NALCN: variants seen among roughly 807,000 people sequenced by gnomAD.
NALCN encodes the protein sodium leak channel NALCN.
Under a neutral mutation model 225.3 loss-of-function variants are expected in NALCN, and 111 were observed. The observed-to-expected ratio is 0.49, with a 90% CI of 0.42 to 0.58. The LOEUF (loss-of-function observed/expected upper bound fraction) is 0.58. Ranked by LOEUF, NALCN falls within the 20% of genes least tolerant of loss-of-function variation. NALCN has a pLI of 0.00. For synonymous variants in NALCN, 764 were observed against 769.0 expected, an observed-to-expected ratio of 0.99 and a Z score of 0.11; for missense variants, 1,378 against 2,202.4, an observed-to-expected ratio of 0.63 and a Z score of 7.49.
At chr13:101,345,006 G>A (rs1440608613) in intron 7 of NALCN, among the ~76,000 whole-genome samples, 1 of 152,140 alleles carries the variant, frequency 6.6e-6, no homozygotes, top group South Asian at 2.1e-4. Context: ...CTTAAATGCT[G>A]TTATTGAGAA....
At position 101,111,908 on chromosome 13, in the gene NALCN, C is replaced by T. The variant is rs1594229469; in HGVS notation, c.2193-682G>A. On this transcript the variant is annotated intron_variant, in intron 18 of 43. Coordinates refer to ENST00000251127, the MANE Select transcript of NALCN (RefSeq NM_052867.4). ...ATGAAAACAGATTAATACACACAGG[C>T]AATCATGATGTCGGTTTTGAATTTA... Among the ~76,000 whole-genome samples, 3 of 152,266 alleles carry T rather than the reference C, an allele frequency of 2.0e-5. 1 individual carries two copies. Among genetic ancestry groups the T allele is most frequent in the Admixed American group, 2.0e-4 (3 of 15,282 alleles).
chr13:101,393,110 G>A (rs76207325), intron 3 of NALCN, among the ~76,000 whole-genome samples: 5,785 of 152,200 alleles, frequency 0.038, 177 homozygotes, highest in East Asian at 0.11. Flanking sequence ...AAAAACAATT[G>A]CAACTTATAT....
intron 38 of NALCN, among the ~76,000 whole-genome samples, chr13:101,068,491 G>A (rs183575043): frequency 2.2e-4 from 33 of 152,218 alleles, no homozygotes; most frequent in African/African-American, 7.2e-4. Context: ...CATAATAAAT[G>A]CTACAACTCT....
At chr13:101,191,864 T>A in intron 14 of NALCN, 53 bp downstream of exon 14, 2 of 1,566,694 alleles carry the variant, frequency 1.3e-6, no homozygotes, top group Non-Finnish European at 1.7e-6. Context: ...TCTGTTGATG[T>A]TCATCCCATT....
At chr13:101,094,427 A>G (rs1349588709) in intron 28 of NALCN, among the ~76,000 whole-genome samples, 3 of 152,196 alleles carry the variant, frequency 2.0e-5, no homozygotes, top group Non-Finnish European at 4.4e-5. Flanking sequence ...TCCTGACTAC[A>G]TTTACTTCCA....
chr13:101,107,515 G>A lies in NALCN; in HGVS notation c.2551C>T (p.Arg851Trp), dbSNP rs1464580245. 1.5e-5 allele frequency: 24 copies of A among 1,613,932 alleles called. No homozygotes were observed. The highest frequency in any genetic ancestry group is 4.0e-5 in the African/African-American group (3 of 74,908). ...GREHRFRNFC[R>W]VVVRARFNAS... Reference sequence around the variant, plus strand: ...TTGAAGCGTGCTCGGACCACCACCCGGCAAAAGTTTCTGAACCTGTGTTCT... The same window carrying A: ...TTGAAGCGTGCTCGGACCACCACCCAGCAAAAGTTTCTGAACCTGTGTTCT... The change falls in exon 22 of 44, where the codon CGG becomes TGG. Residue 851 changes from arginine to tryptophan, a missense_variant. Physicochemically the swap from Arg to Trp is moderately radical, Grantham distance 101 (BLOSUM62 -3). Coordinates refer to ENST00000251127, the MANE Select transcript of NALCN (RefSeq NM_052867.4).
intron 10 of NALCN, among the ~76,000 whole-genome samples, chr13:101,275,691 A>G (rs1029577913): frequency 1.3e-5 from 2 of 152,144 alleles, no homozygotes; most frequent in Admixed American, 6.5e-5. Context: ...TGAGGAGGTC[A>G]TGTTGGGAGA....
intron 18 of NALCN, among the ~76,000 whole-genome samples, chr13:101,122,245 G>A (rs1031451816): frequency 3.3e-4 from 50 of 152,040 alleles, no homozygotes; most frequent in Admixed American, 3.1e-3. Context: ...GAAACCATTC[G>A]CACAGAAGAA....
chr13:101,342,907 C>T (rs2045602078), intron 7 of NALCN, among the ~76,000 whole-genome samples: 1 of 152,114 alleles, frequency 6.6e-6, no homozygotes, highest in African/African-American at 2.4e-5. Flanking sequence ...AAAGCTACTT[C>T]TGCCAGAAAT....
intron 7 of NALCN, among the ~76,000 whole-genome samples, chr13:101,318,004 C>T (rs1459280752): frequency 6.6e-6 from 1 of 152,100 alleles, no homozygotes; most frequent in Admixed American, 6.6e-5. Context: ...TACAAAAGTA[C>T]ATTATTTACA....
At chr13:101,271,686 A>ATG (rs917038252) in intron 10 of NALCN, among the ~76,000 whole-genome samples, 6 of 151,622 alleles carry the variant, frequency 4.0e-5, no homozygotes, top group Non-Finnish European at 7.4e-5. Flanking sequence ...GTGTTTGTGC[A>ATG]TGTGTGTGTG....
At chr13:101,117,408 C>G (rs1289884015) in intron 18 of NALCN, among the ~76,000 whole-genome samples, 4 of 152,198 alleles carry the variant, frequency 2.6e-5, no homozygotes, top group Admixed American at 2.6e-4. Context: ...AATTACAATG[C>G]AAAGGCTGAA....
chr13:101,187,345 T>C (rs1242176406), intron 14 of NALCN, among the ~76,000 whole-genome samples: 1 of 152,166 alleles, frequency 6.6e-6, no homozygotes, highest in Non-Finnish European at 1.5e-5. Flanking sequence ...CTACTGGGAA[T>C]CTTGGAAAGT....
chr13:101,411,149 T>A (rs1222475574), intron 1 of NALCN, among the ~76,000 whole-genome samples: 1 of 152,306 alleles, frequency 6.6e-6, no homozygotes. Context: ...AGATTTAGAG[T>A]TTATCTATGT....
intron 1 of NALCN, among the ~76,000 whole-genome samples, chr13:101,402,739 G>A (rs374834284): frequency 3.9e-5 from 6 of 152,070 alleles, no homozygotes; most frequent in South Asian, 2.1e-4. Flanking sequence ...TGCTTCCCCC[G>A]CAGATGTAGG....
At chr13:101,107,976 A>T (rs1194295067) in intron 20 of NALCN, among the ~76,000 whole-genome samples, 187 bp from the exon 21 acceptor site, 1 of 148,680 alleles carries the variant, frequency 6.7e-6, no homozygotes, top group Non-Finnish European at 1.5e-5. Flanking sequence ...GTATATTTAT[A>T]CTAAATGTAT....
At chr13:101,128,470 T>C (rs1423658573) in intron 17 of NALCN, among the ~76,000 whole-genome samples, 2 of 152,198 alleles carry the variant, frequency 1.3e-5, no homozygotes, top group East Asian at 3.8e-4. Context: ...TTTGGCGATG[T>C]CTTCTAATTA....
At chr13:101,282,737 T>C (rs2043209052) in intron 10 of NALCN, among the ~76,000 whole-genome samples, 1 of 152,212 alleles carries the variant, frequency 6.6e-6, no homozygotes, top group Non-Finnish European at 1.5e-5. Flanking sequence ...CGTTTTACAC[T>C]GTGTACATAT....
chr13:101,217,868 T>C lies in NALCN; in HGVS notation c.1626+11525A>G, dbSNP rs146305840. 4.8e-3 allele frequency among the ~76,000 whole-genome samples: 724 copies of C among 152,230 alleles called. 8 individuals carry two copies. Among genetic ancestry groups the C allele is most frequent in the African/African-American group, 0.017 (705 of 41,546 alleles). Reference sequence around the variant, plus strand: ...GGATCTGGGGTCCAGATGTTTCTGGTGAAAGGAATTAAACACCAGCTTTCT... The same window carrying C: ...GGATCTGGGGTCCAGATGTTTCTGGCGAAAGGAATTAAACACCAGCTTTCT... On this transcript the variant is annotated intron_variant, in intron 13 of 43. Transcript: ENST00000251127.
Sources: gnomAD v4.1 joint callset for allele counts (sites outside exome capture counted in the v4.1 genomes callset) on GRCh38, gnomAD v4.1.1 for gene constraint, MANE v1.5 for transcripts, NCBI Gene and HGNC (gene_info 2026-07-23, HGNC 2026-07-21) for gene names.